The following TBC1D9 variants were observed in gnomAD, a reference collection of about 807,000 sequenced individuals.
TBC1D9 encodes the protein TBC1 domain family member 9, also known as TBC1 domain family member 9A.
In TBC1D9, 63 loss-of-function variants were observed where a neutral mutation model predicts 132.0. That is an observed-to-expected ratio of 0.48 (90% confidence interval 0.39 to 0.59). The LOEUF is 0.59. Among genes scored for constraint, TBC1D9 ranks in the 20% least tolerant of loss-of-function variants. The pLI is 0.00. For missense variants in TBC1D9, 1,261 were observed against 1,592.7 expected, an observed-to-expected ratio of 0.79 and a Z score of 3.54; for synonymous variants, 610 against 609.9, an observed-to-expected ratio of 1.00 and a Z score of 0.00.
chr4:140,705,126 C>A (rs771415151), intron 1 of TBC1D9, among the ~76,000 whole-genome samples: 9 of 152,192 alleles, frequency 5.9e-5, no homozygotes, highest in Non-Finnish European at 1.0e-4. Context: ...GTTGGCCAGT[C>A]AAATCAAGAA....
chr4:140,729,907 C>T (rs1208552827), intron 1 of TBC1D9, among the ~76,000 whole-genome samples: 1 of 150,868 alleles, frequency 6.6e-6, no homozygotes, highest in Admixed American at 6.6e-5. Context: ...TTTTTTTCCC[C>T]CAGGGGGTAC....
intron 1 of TBC1D9, among the ~76,000 whole-genome samples, chr4:140,740,504 C>T (rs1182094277): frequency 3.3e-5 from 5 of 152,214 alleles, no homozygotes; most frequent in Middle Eastern, 3.2e-3. Flanking sequence ...TCCCCCTTTA[C>T]TCGCTCTTTC....
rs1346503446 is a variant in TBC1D9, at chr4:140,706,220, G to A, written c.131-4606C>T. 1.3e-5 allele frequency among the ~76,000 whole-genome samples: 2 copies of A among 152,190 alleles called. No homozygotes were observed. Among genetic ancestry groups the A allele is most frequent in the African/African-American group, 4.8e-5 (2 of 41,450 alleles). ...CCATCTACTGATGATCAGGGCTAAAGTTAAACTGGACAGGATCCTAAAGAT... is the reference window on the plus strand; with the variant it reads ...CCATCTACTGATGATCAGGGCTAAAATTAAACTGGACAGGATCCTAAAGAT... On this transcript the variant is annotated intron_variant, in intron 1 of 20. Transcript: ENST00000442267. This position sits in a 1 kb window ranked among gnomAD's most constrained non-coding sequence, Gnocchi z 4.0.
intron 1 of TBC1D9, among the ~76,000 whole-genome samples, chr4:140,720,078 A>G (rs1477147951): frequency 6.6e-6 from 1 of 152,228 alleles, no homozygotes; most frequent in Non-Finnish European, 1.5e-5. Context: ...AATTTTGCAC[A>G]GCACCTGGCA....
rs1225628542 is a variant in TBC1D9 at position 140,706,073 on chromosome 4, C to T, written c.131-4459G>A. On this transcript the variant is annotated intron_variant, in intron 1 of 20. Coordinates refer to ENST00000442267, the MANE Select transcript of TBC1D9 (RefSeq NM_015130.3). The surrounding 1 kb of genome is among the most constrained non-coding windows in gnomAD (Gnocchi z 4.0). ...TCACCACTGCACAACTGCAGCCTAG[C>T]TGGGAGCTGGTACAGGTGGCAGGTC... Among the ~76,000 whole-genome samples, 3 of 152,204 alleles carry T rather than the reference C, an allele frequency of 2.0e-5. No homozygotes were observed. The highest frequency in any genetic ancestry group is 4.4e-5 in the Non-Finnish European group (3 of 68,040).
chr4:140,700,151 TA>T (rs538972978), intron 2 of TBC1D9, among the ~76,000 whole-genome samples: 36 of 145,730 alleles, frequency 2.5e-4, no homozygotes, highest in South Asian at 6.6e-4. Flanking sequence ...GAAATTATAT[TA>T]AAAAAAAAAA....
At chr4:140,676,526 G>A (rs544409095) in intron 6 of TBC1D9, among the ~76,000 whole-genome samples, 8 of 152,228 alleles carry the variant, frequency 5.3e-5, no homozygotes, top group Admixed American at 3.3e-4. Flanking sequence ...GGTGGCAGGC[G>A]CCTGTAATTC....
Position 140,756,000 on chromosome 4 carries a change from T to C in TBC1D9, c.46A>G (p.Ile16Val). ...AAGTATGGGTTGGCCCTCTCGGTGATCCACAGCGCGTTGGCCAGCAACACC... is the reference window on the plus strand; with the variant it reads ...AAGTATGGGTTGGCCCTCTCGGTGACCCACAGCGCGTTGGCCAGCAACACC... ...EEVLLANALW[I>V]TERANPYFIL... The change falls in exon 1 of 21, where the codon ATC (isoleucine) becomes GTC (valine). Residue 16 changes from isoleucine to valine, a missense_variant. Coordinates refer to ENST00000442267, the MANE Select transcript of TBC1D9 (RefSeq NM_015130.3). The C allele has an allele frequency of 1.2e-6, 2 of 1,608,940 alleles. No homozygotes were observed. Among genetic ancestry groups the C allele is most frequent in the Non-Finnish European group, 1.7e-6 (2 of 1,177,558 alleles).
rs1224457471 is a variant in TBC1D9, at chr4:140,664,040, C to CAAA, written c.1589-1936_1589-1934dup. ...TGTTCTCTCACCAAACTCTCCCCAC[C>CAAA]AAAAAAAAAAAAAAAACAAGAAAAA... On this transcript the variant is annotated intron_variant, in intron 9 of 20. Coordinates refer to ENST00000442267, the MANE Select transcript of TBC1D9 (RefSeq NM_015130.3). Among the ~76,000 whole-genome samples the CAAA allele has an allele frequency of 4.6e-3, 520 of 112,876 alleles. 5 individuals carry two copies. The highest frequency in any genetic ancestry group is 0.018 in the African/African-American group (480 of 26,700). The allele number at this position is 112,876 out of a possible 152,430, so 74.1% of individuals were successfully genotyped here.
chr4:140,649,216 T>G (rs1031519132), intron 13 of TBC1D9, among the ~76,000 whole-genome samples: 1 of 152,236 alleles, frequency 6.6e-6, no homozygotes, highest in Admixed American at 6.5e-5. Context: ...TGGAATGATG[T>G]GAATGAGTCT....
At chr4:140,650,100 TA>T (rs1396331006) in intron 13 of TBC1D9, among the ~76,000 whole-genome samples, 1 of 152,264 alleles carries the variant, frequency 6.6e-6, no homozygotes, top group Non-Finnish European at 1.5e-5. Flanking sequence ...ATACTCCATG[TA>T]AACTATTAGC....
At chr4:140,631,886 G>C (rs1417394408) in intron 16 of TBC1D9, among the ~76,000 whole-genome samples, 6 of 152,046 alleles carry the variant, frequency 3.9e-5, no homozygotes, top group African/African-American at 7.2e-5. Context: ...CATGAGCCAC[G>C]GGGCCTGGCC....
intron 15 of TBC1D9, among the ~76,000 whole-genome samples, chr4:140,636,541 C>A (rs1736883652): frequency 6.6e-6 from 1 of 151,986 alleles, no homozygotes; most frequent in Non-Finnish European, 1.5e-5. Context: ...TGCTACCATG[C>A]CTGGCTAATG....
chr4:140,719,767 C>CAT (rs1341768622), intron 1 of TBC1D9, among the ~76,000 whole-genome samples: 1 of 152,166 alleles, frequency 6.6e-6, no homozygotes, highest in Non-Finnish European at 1.5e-5. Context: ...TTCAAGGGTA[C>CAT]ATAGCTCAAG....
intron 1 of TBC1D9, among the ~76,000 whole-genome samples, chr4:140,710,572 G>C (rs1578851113): frequency 1.3e-5 from 2 of 152,142 alleles, no homozygotes; most frequent in South Asian, 2.1e-4. Context: ...CATTTTATCT[G>C]TATCCAATTA....
intron 3 of TBC1D9, 128 bp from the exon 4 acceptor site, chr4:140,679,971 C>T (rs1352929160): frequency 3.1e-6 from 2 of 650,212 alleles, no homozygotes; most frequent in African/African-American, 3.6e-5. Context: ...TCAATGGCAA[C>T]CCCCAAATTC....
chr4:140,644,510 C>T (rs560102055), intron 13 of TBC1D9: 7 of 291,494 alleles, frequency 2.4e-5, no homozygotes, highest in Admixed American at 1.5e-4. Context: ...GGGGGGCTTT[C>T]GCAGCAGCAT....
Position 140,679,673 on chromosome 4 carries a change from A to C in TBC1D9, c.531T>G (p.Gly177=), listed in dbSNP as rs1270656706. The C allele has an allele frequency of 5.0e-6, 8 of 1,613,736 alleles. No homozygotes were observed. The highest frequency in any genetic ancestry group is 3.3e-4 in the Middle Eastern group (2 of 6,084). The change falls in exon 4 of 21, where the codon GGT becomes GGG. Residue 177 remains glycine (G), a synonymous_variant. Coordinates refer to ENST00000442267, the MANE Select transcript of TBC1D9 (RefSeq NM_015130.3). The part of the protein sequence containing the change: ...SYWKGKVPRQ[G]WMYLSINHLC... ...GGTGGTTAATGCTGAGGTACATCCA[A>C]CCCTGACGGGGGACCTTCCCCTTCC...
At chr4:140,631,824 C>T (rs949631230) in intron 16 of TBC1D9, among the ~76,000 whole-genome samples, 16 of 152,076 alleles carry the variant, frequency 1.1e-4, no homozygotes, top group Middle Eastern at 3.4e-3. Context: ...CTTGAACTCC[C>T]GACCTCAAGT....
Sources: gnomAD v4.1 joint callset for allele counts (sites outside exome capture counted in the v4.1 genomes callset) on GRCh38, gnomAD v4.1.1 for gene constraint, Gnocchi (gnomAD v3.1) non-coding constraint, MANE v1.5 for transcripts, NCBI Gene and HGNC (gene_info 2026-07-23, HGNC 2026-07-21) for gene names.